Variants in SNTG1 observed in about 807,000 individuals in gnomAD.
SNTG1 encodes gamma-1-syntrophin.
Under a neutral mutation model 74.7 loss-of-function variants are expected in SNTG1, and 39 were observed. The ratio of observed to expected loss-of-function variants is 0.52; its 90% CI spans 0.40 to 0.68. The LOEUF is 0.68. Ranked by LOEUF, SNTG1 falls within the 30% of genes least tolerant of loss-of-function variation. The pLI is 0.00. For missense variants in SNTG1, 685 were observed against 609.5 expected (o/e 1.12, Z -1.30); for synonymous variants, 254 against 217.1 (o/e 1.17, Z -1.49).
intron 15 of SNTG1, among the ~76,000 whole-genome samples, chr8:50,701,579 T>TTCCTTCTTCTTCTTCTTCTTCTTCTTC (rs2131509242): frequency 1.2e-5 from 1 of 83,762 alleles, no homozygotes; most frequent in Admixed American, 1.1e-4. Context: ...ATAATACCTT[T>TTCCTTCTTCTTCTTCTTCTTCTTCTTC]TTCTTCCTCT....
intron 2 of SNTG1, among the ~76,000 whole-genome samples, chr8:50,373,191 T>A (rs1175603367): frequency 6.6e-6 from 1 of 152,238 alleles, no homozygotes; most frequent in Middle Eastern, 3.2e-3. Flanking sequence ...AATTTTTGTT[T>A]ATTTGCTTCA....
At chr8:49,972,593 A>G (rs1336885748) in intron 1 of SNTG1, among the ~76,000 whole-genome samples, 12 of 152,094 alleles carry the variant, frequency 7.9e-5, no homozygotes, top group African/African-American at 2.7e-4. Flanking sequence ...TACAGAGTGG[A>G]AGAAAATTTT....
chr8:50,361,552 C>A (rs372622945), intron 2 of SNTG1, among the ~76,000 whole-genome samples: 1 of 152,090 alleles, frequency 6.6e-6, no homozygotes, highest in African/African-American at 2.4e-5. Context: ...GCTGCCCAGA[C>A]GGGACTCAAA....
intron 4 of SNTG1, among the ~76,000 whole-genome samples, chr8:50,426,317 C>A (rs1319463326): frequency 2.6e-5 from 4 of 152,000 alleles, no homozygotes; most frequent in African/African-American, 9.7e-5. Flanking sequence ...CAATGAAGGG[C>A]CACATATATT....
intron 1 of SNTG1, among the ~76,000 whole-genome samples, chr8:50,108,977 G>A (rs2080483206): frequency 6.6e-6 from 1 of 152,132 alleles, no homozygotes; most frequent in South Asian, 2.1e-4. Context: ...AAGGCGGGTA[G>A]GCAGGGAGTA....
chr8:50,568,732 C>G (rs2094530007), intron 12 of SNTG1: 1 of 152,032 alleles, frequency 6.6e-6, no homozygotes. Flanking sequence ...AACTCCTTGA[C>G]AGATGCATAG....
At chr8:50,747,761 C>G (rs1030420317) in intron 17 of SNTG1, 5 of 151,816 alleles carry the variant, frequency 3.3e-5, no homozygotes, top group African/African-American at 1.2e-4. Context: ...TTCTCTTTCT[C>G]TCTTTCTGAC....
intron 2 of SNTG1, among the ~76,000 whole-genome samples, chr8:50,293,297 A>T (rs1008163095): frequency 6.6e-6 from 1 of 151,652 alleles, no homozygotes; most frequent in Non-Finnish European, 1.5e-5. Flanking sequence ...GAAGATTGTC[A>T]TCTCCTACCT....
chr8:50,584,916 G>T (rs74650066), intron 12 of SNTG1, among the ~76,000 whole-genome samples: 5,688 of 152,108 alleles, frequency 0.037, 182 homozygotes, highest in African/African-American at 0.077. Flanking sequence ...TCCATGCGTT[G>T]TTTGTTTCTC....
intron 2 of SNTG1, among the ~76,000 whole-genome samples, chr8:50,307,539 AAAG>A (rs2089952190): frequency 6.6e-6 from 1 of 152,000 alleles, no homozygotes; most frequent in Non-Finnish European, 1.5e-5. Flanking sequence ...ATGTCTGAAA[AAAG>A]TATTTTATTT....
chr8:50,658,460 A>G (rs542400713), intron 14 of SNTG1, 132 bp from the exon 15 acceptor site: 1 of 558,122 alleles, frequency 1.8e-6, no homozygotes, highest in East Asian at 3.3e-5. Context: ...CTTTATGAGC[A>G]TGGCTTCACA....
intron 13 of SNTG1, among the ~76,000 whole-genome samples, chr8:50,637,275 A>G (rs1356691946): frequency 6.6e-6 from 1 of 152,154 alleles, no homozygotes; most frequent in Admixed American, 6.5e-5. Flanking sequence ...CTTGTTATAC[A>G]ATCATGTCCT....
chr8:49,978,011 G>A (rs1812344976), intron 1 of SNTG1, among the ~76,000 whole-genome samples: 1 of 152,146 alleles, frequency 6.6e-6, no homozygotes, highest in Admixed American at 6.5e-5. Flanking sequence ...GATGCCTGGA[G>A]GATCATTTGT....
chr8:50,697,196 T>C (rs2095408250), intron 15 of SNTG1, among the ~76,000 whole-genome samples: 1 of 152,092 alleles, frequency 6.6e-6, no homozygotes, highest in Non-Finnish European at 1.5e-5. Flanking sequence ...TTTTTGGAAG[T>C]TATTATAAAT....
chr8:50,164,519 A>C (rs1259085164), intron 1 of SNTG1: 1 of 152,230 alleles, frequency 6.6e-6, no homozygotes, highest in Non-Finnish European at 1.5e-5. Context: ...GTTGTTAAGT[A>C]GATAATTTTT....
chr8:50,045,422 T>G (rs568765794), intron 1 of SNTG1, among the ~76,000 whole-genome samples: 122 of 152,246 alleles, frequency 8.0e-4, no homozygotes, highest in Non-Finnish European at 8.8e-4. Flanking sequence ...ACCAATCTCA[T>G]GAAGACTTAG....
At chr8:50,616,174 C>T (rs2094884448) in intron 13 of SNTG1, among the ~76,000 whole-genome samples, 1 of 152,192 alleles carries the variant, frequency 6.6e-6, no homozygotes, top group African/African-American at 2.4e-5. Context: ...GCAACATCTG[C>T]TCTACGGTTT....
chr8:50,422,514 G>A (rs2093104790), intron 4 of SNTG1, among the ~76,000 whole-genome samples: 1 of 152,120 alleles, frequency 6.6e-6, no homozygotes, highest in Non-Finnish European at 1.5e-5. Flanking sequence ...TAAAGAAAGA[G>A]TTTAATTGAC....
At chr8:50,392,006 C>T (rs1169865616) in intron 2 of SNTG1, among the ~76,000 whole-genome samples, 2 of 151,854 alleles carry the variant, frequency 1.3e-5, no homozygotes, top group Non-Finnish European at 2.9e-5. Flanking sequence ...AAAAGAAGCC[C>T]AAGGGAAAAA....
Sources: gnomAD v4.1 joint callset for allele counts (sites outside exome capture counted in the v4.1 genomes callset) on GRCh38, gnomAD v4.1.1 for gene constraint, MANE v1.5 for transcripts, NCBI Gene and HGNC (gene_info 2026-07-23, HGNC 2026-07-21) for gene names.